The following TRMT44 variants were observed in gnomAD, a reference collection of about 807,000 sequenced individuals.
The protein encoded by TRMT44 is probable tRNA (uracil-O(2)-)-methyltransferase.
A neutral mutation model predicts 77.3 loss-of-function variants in TRMT44; 78 were observed. That is an observed-to-expected ratio of 1.01 (90% CI 0.84 to 1.22). The LOEUF (loss-of-function observed/expected upper bound fraction) is 1.22, where lower values mean the gene tolerates loss of function less well. Among genes scored for constraint, TRMT44 ranks in the 50% most tolerant of loss-of-function variants. The pLI is 0.00. For missense variants in TRMT44, 1,090 were observed against 964.4 expected (o/e 1.13, Z -1.73); for synonymous variants, 391 against 383.3 (o/e 1.02, Z -0.23).
chr4:8,468,582 A>G (rs1726765258), intron 9 of TRMT44: 3 of 595,546 alleles, frequency 5.0e-6, no homozygotes, highest in Non-Finnish European at 6.0e-6. Context: ...TGGACCCTTA[A>G]TTAACTTTTA....
chr4:8,459,922 G>C (rs926583872), intron 6 of TRMT44, among the ~76,000 whole-genome samples: 1 of 152,148 alleles, frequency 6.6e-6, no homozygotes, highest in Non-Finnish European at 1.5e-5. Context: ...TGTAGTGGCC[G>C]CCGCTGGAGA....
the TRMT44 span, chr4:8,511,694 G>GT: frequency 1.1e-4 from 16 of 149,134 alleles, no homozygotes; most frequent in Admixed American, 7.4e-4. Flanking sequence ...AATAATGTTT[G>GT]TTTTTTTCCA....
At chr4:8,488,399 TG>T (rs1727885478) in intron 2 of TRMT44, among the ~76,000 whole-genome samples, 1 of 152,030 alleles carries the variant, frequency 6.6e-6, no homozygotes, top group South Asian at 2.1e-4. Context: ...TTATAAGATT[TG>T]GTTAGGTAAA....
chr4:8,468,624 T>C lies in TRMT44; in HGVS notation c.1927+278T>C, dbSNP rs1579075843. 7.1e-6 allele frequency: 4 copies of C among 566,632 alleles called. No homozygotes were observed. The East Asian group carries it at 1.1e-4, about 16-fold the overall frequency. The allele number at this position is 566,632 out of a possible 1,614,324, so 35.1% of individuals were successfully genotyped here. On this transcript the variant is annotated intron_variant, in intron 9 of 10. Coordinates refer to ENST00000389737, the MANE Select transcript of TRMT44 (RefSeq NM_152544.3). ...ATGCAGGTTTAGGGGCTAGAACTAC[T>C]CATTTTCAATCTAGAAATTATCCAA...
At position 8,449,673 on chromosome 4, in the gene TRMT44, A is replaced by T. The variant is rs761801656; in HGVS notation, c.739A>T (p.Ile247Leu). The T allele has an allele frequency of 2.0e-6, 3 of 1,533,836 alleles. No individual in the cohort carries two copies. The highest frequency in any genetic ancestry group is 2.6e-6 in the Non-Finnish European group (3 of 1,144,930). Residue 247 changes from isoleucine to leucine, a missense_variant, in exon 3 of 11, where the codon ATA becomes TTA. Transcript: ENST00000389737. Reference protein sequence around the residue: ...QLSHSKEEWFISVLIFCPERW... With the variant: ...QLSHSKEEWFLSVLIFCPERW... The stretch of plus-strand genomic sequence containing the variant: ...ATATTTCTCTTATTTTTAAAGGTTC[A>T]TATCTGTTTTAATTTTCTGTCCAGA...
At chr4:8,508,108 T>C in the TRMT44 span, among the ~76,000 whole-genome samples, 2 of 152,168 alleles carry the variant, frequency 1.3e-5, no homozygotes, top group Admixed American at 6.5e-5. Flanking sequence ...GGTTTCACCA[T>C]GTTGGCCAGA....
chr4:8,458,480 T>G lies in TRMT44; in HGVS notation c.1203+3667T>G, dbSNP rs10011431. On this transcript the variant is annotated intron_variant, in intron 6 of 10. Coordinates refer to ENST00000389737, the MANE Select transcript of TRMT44 (RefSeq NM_152544.3). ...TTTTCTTTTCTTTTTTTTTTTTTTT[T>G]TGAGACGGAGTCTTGCTCTGTCGCC... Among the ~76,000 whole-genome samples, 1,472 of 150,720 alleles carry G rather than the reference T, an allele frequency of 9.8e-3. 24 individuals are homozygous for G. Among genetic ancestry groups the G allele is most frequent in the African/African-American group, 0.033 (1,374 of 41,090 alleles).
In TRMT44 at chr4:8,465,547, C is replaced by T. The variant is rs528136148; in HGVS notation, c.1480C>T (p.Pro494Ser). Residue 494 changes from proline to serine, a missense_variant, in exon 8 of 11, where the codon CCT (proline) becomes TCT (serine). By Grantham distance (74) the Pro-to-Ser change is moderately conservative. Coordinates refer to ENST00000389737, the MANE Select transcript of TRMT44 (RefSeq NM_152544.3). ...FHVDEDCLRI[P>S]STKRVCLVGK... is the part of the protein sequence containing the mutation. The stretch of plus-strand genomic sequence containing the variant: ...CGTGGACGAAGACTGCCTCAGGATT[C>T]CTTCAACCAAAAGAGTATGTCTGAT... 2 of 1,612,234 alleles carry T rather than the reference C, an allele frequency of 1.2e-6. No individual in the cohort carries two copies. The highest frequency in any genetic ancestry group is 1.3e-5 in the African/African-American group (1 of 74,912).
chr4:8,462,547 A>G (rs748099474), intron 6 of TRMT44, among the ~76,000 whole-genome samples: 2 of 152,028 alleles, frequency 1.3e-5, no homozygotes, highest in African/African-American at 2.4e-5. Flanking sequence ...TCTACTAAAA[A>G]TACAAAAATT....
intron 1 of TRMT44, among the ~76,000 whole-genome samples, chr4:8,445,821 C>T (rs968039584): frequency 6.6e-6 from 1 of 152,146 alleles, no homozygotes; most frequent in Non-Finnish European, 1.5e-5. Context: ...AGTGTATATT[C>T]CTCTTTAACA....
intron 6 of TRMT44, 180 bp downstream of exon 6, chr4:8,454,993 G>A: frequency 1.6e-6 from 1 of 639,224 alleles, no homozygotes. Context: ...AGACTTCACA[G>A]AACCTTCTGG....
chr4:8,489,466 G>A (rs939353598), intron 2 of TRMT44, among the ~76,000 whole-genome samples: 1 of 143,662 alleles, frequency 7.0e-6, no homozygotes, highest in Non-Finnish European at 1.5e-5. Context: ...TTTTCGTTTT[G>A]TTTTGTTTTG....
chr4:8,494,087 G>A (rs142703570), downstream of TRMT44, among the ~76,000 whole-genome samples: 36 of 150,988 alleles, frequency 2.4e-4, no homozygotes, highest in Non-Finnish European at 3.8e-4. Context: ...GTGATGGGAC[G>A]CACAAAGTGT....
At chr4:8,495,924 C>G (rs1728136611), downstream of TRMT44, among the ~76,000 whole-genome samples, 1 of 152,228 alleles carries the variant, frequency 6.6e-6, no homozygotes, top group Non-Finnish European at 1.5e-5. Context: ...ACCAATCAGA[C>G]TGGTCGTGGG....
intron 2 of TRMT44, among the ~76,000 whole-genome samples, chr4:8,486,554 G>A (rs1468553517): frequency 6.6e-6 from 1 of 151,712 alleles, no homozygotes; most frequent in Non-Finnish European, 1.5e-5. Flanking sequence ...GTAATAAAAT[G>A]TATATTGAGA....
chr4:8,459,259 C>T (rs138319362), intron 6 of TRMT44, among the ~76,000 whole-genome samples: 9 of 152,268 alleles, frequency 5.9e-5, no homozygotes, highest in African/African-American at 9.6e-5. Context: ...CCCCCAACCC[C>T]CACTTTGTTC....
At chr4:8,465,253 A>G (rs1726447799) in intron 7 of TRMT44, 125 bp from the exon 8 acceptor site, 1 of 880,670 alleles carries the variant, frequency 1.1e-6, no homozygotes, top group Admixed American at 2.4e-5. Context: ...AAGAAACAAT[A>G]TTGGCCAGGA....
chr4:8,512,232 A>G, the TRMT44 span: 1 of 151,924 alleles, frequency 6.6e-6, no homozygotes, highest in African/African-American at 2.4e-5. Flanking sequence ...ATGTCTGGCT[A>G]ATTTTTGTAT....
chr4:8,441,563 T>G, intron 1 of TRMT44, 122 bp downstream of exon 1: 1 of 1,218,100 alleles, frequency 8.2e-7, no homozygotes, highest in Non-Finnish European at 1.1e-6. Context: ...GGTTGTTAGG[T>G]GTTTCATAGT....
Sources: gnomAD v4.1 joint callset for allele counts (sites outside exome capture counted in the v4.1 genomes callset) on GRCh38, gnomAD v4.1.1 for gene constraint, MANE v1.5 for transcripts, NCBI Gene and HGNC (gene_info 2026-07-23, HGNC 2026-07-21) for gene names.